Variants in RORA observed in about 807,000 individuals in gnomAD.
RORA encodes RAR related orphan receptor A, also known as nuclear receptor ROR-alpha.
Under a neutral mutation model 69.5 loss-of-function variants are expected in RORA, and 7 were observed. The observed-to-expected ratio is 0.10, with a 90% CI of 0.06 to 0.19. The LOEUF is 0.19. Ranked by LOEUF, RORA falls within the 10% of genes least tolerant of loss-of-function variation. The pLI, the probability that RORA is intolerant of heterozygous loss-of-function variation, is 1.00. For synonymous variants in RORA, 261 were observed against 240.8 expected (o/e 1.08, Z -0.78); for missense variants, 457 against 663.0 (o/e 0.69, Z 3.41).
chr15:60,767,682 T>C (rs2140878278), intron 1 of RORA, among the ~76,000 whole-genome samples: 1 of 152,342 alleles, frequency 6.6e-6, no homozygotes, highest in Non-Finnish European at 1.5e-5. Context: ...TTCTTGGTCA[T>C]TTGATCACTT....
intron 1 of RORA, among the ~76,000 whole-genome samples, chr15:61,063,556 T>C (rs1566970550): frequency 6.6e-6 from 1 of 152,186 alleles, no homozygotes; most frequent in East Asian, 1.9e-4. Context: ...TAAAATAATA[T>C]CTTAGAATCA....
chr15:60,625,005 G>A (rs573270402), intron 2 of RORA, among the ~76,000 whole-genome samples: 2 of 152,296 alleles, frequency 1.3e-5, no homozygotes, highest in Admixed American at 1.3e-4. Flanking sequence ...GAAATGTAGG[G>A]CTTAGTGAAA....
At chr15:60,957,986 C>T (rs1185037005) in intron 1 of RORA, among the ~76,000 whole-genome samples, 9 of 151,174 alleles carry the variant, frequency 6.0e-5, no homozygotes, top group Middle Eastern at 6.9e-3. Flanking sequence ...TCCAGGATAC[C>T]TTGAAATGAG....
intron 1 of RORA, among the ~76,000 whole-genome samples, chr15:60,715,976 C>G (rs2071213672): frequency 6.6e-6 from 1 of 152,238 alleles, no homozygotes; most frequent in South Asian, 2.1e-4. Context: ...TTACGCTACA[C>G]TAGAACTACT....
chr15:60,623,483 C>G (rs2069475557), intron 2 of RORA, among the ~76,000 whole-genome samples: 1 of 152,198 alleles, frequency 6.6e-6, no homozygotes, highest in South Asian at 2.1e-4. Flanking sequence ...TGTCTAACTA[C>G]TTAACATGGA....
intron 1 of RORA, among the ~76,000 whole-genome samples, chr15:60,764,280 G>C (rs1388201919): frequency 6.6e-6 from 1 of 151,856 alleles, no homozygotes; most frequent in Non-Finnish European, 1.5e-5. Context: ...TGGGAAGCGG[G>C]GGGTATGGGT....
intron 1 of RORA, among the ~76,000 whole-genome samples, chr15:60,961,312 T>C (rs547204295): frequency 2.7e-4 from 41 of 152,318 alleles, no homozygotes; most frequent in African/African-American, 8.2e-4. Flanking sequence ...AGGTACATCA[T>C]GCACAACAGA....
chr15:61,144,298 C>A (rs1050286894), intron 1 of RORA, among the ~76,000 whole-genome samples: 1 of 152,186 alleles, frequency 6.6e-6, no homozygotes, highest in Non-Finnish European at 1.5e-5. Context: ...GCTGCGATGG[C>A]CATTCAGAGT....
chr15:60,695,231 C>T (rs1451983888), intron 1 of RORA, among the ~76,000 whole-genome samples: 2 of 152,186 alleles, frequency 1.3e-5, no homozygotes, highest in African/African-American at 4.8e-5. Context: ...CATCTCTTCT[C>T]CCAACACTGC....
At chr15:61,094,848 C>A (rs1448496343) in intron 1 of RORA, among the ~76,000 whole-genome samples, 1 of 152,166 alleles carries the variant, frequency 6.6e-6, no homozygotes, top group Admixed American at 6.5e-5. Context: ...TGGGCATATG[C>A]CTCAGCAATG....
intron 2 of RORA, among the ~76,000 whole-genome samples, chr15:60,639,625 T>A (rs1002077581): frequency 2.0e-5 from 3 of 152,218 alleles, no homozygotes; most frequent in Non-Finnish European, 4.4e-5. Flanking sequence ...GACAGATCCT[T>A]GCCACCACTT....
chr15:60,755,145 C>G (rs904811230), intron 1 of RORA, among the ~76,000 whole-genome samples: 24 of 128,982 alleles, frequency 1.9e-4, no homozygotes, highest in African/African-American at 7.0e-4. Context: ...TCCCCCCACC[C>G]CACAACAGGC....
chr15:60,623,144 A>G (rs1426819102), intron 2 of RORA, among the ~76,000 whole-genome samples: 1 of 152,148 alleles, frequency 6.6e-6, no homozygotes, highest in African/African-American at 2.4e-5. Flanking sequence ...AAACCTTGAA[A>G]TTTACAGTGT....
chr15:60,919,308 C>T (rs1371168440), intron 1 of RORA, among the ~76,000 whole-genome samples: 1 of 152,120 alleles, frequency 6.6e-6, no homozygotes, highest in East Asian at 1.9e-4. Context: ...CAGGAGACCC[C>T]TCGTTTAATA....
intron 1 of RORA, among the ~76,000 whole-genome samples, chr15:60,884,037 T>C (rs1471444485): frequency 1.3e-5 from 2 of 152,148 alleles, no homozygotes; most frequent in Non-Finnish European, 2.9e-5. Context: ...ATGAGATTCG[T>C]TGGTTATAGC....
At chr15:61,032,743 C>T (rs1163948537) in intron 1 of RORA, among the ~76,000 whole-genome samples, 1 of 152,170 alleles carries the variant, frequency 6.6e-6, no homozygotes, top group Non-Finnish European at 1.5e-5. Flanking sequence ...TATCTTCATA[C>T]AAGATCATAA....
At chr15:60,612,864 T>G (rs150885661) in intron 2 of RORA, among the ~76,000 whole-genome samples, 97 of 152,206 alleles carry the variant, frequency 6.4e-4, no homozygotes, top group African/African-American at 2.2e-3. Context: ...TTAATGGACA[T>G]ATTTTATTTT....
At chr15:60,592,469 C>A in intron 2 of RORA, 3 of 1,368,664 alleles carry the variant, frequency 2.2e-6, no homozygotes, top group Non-Finnish European at 2.8e-6. Context: ...GACCCCGGAG[C>A]CCCCTCTGCC....
At chr15:60,717,295 A>C (rs2071232902) in intron 1 of RORA, among the ~76,000 whole-genome samples, 1 of 152,184 alleles carries the variant, frequency 6.6e-6, no homozygotes, top group African/African-American at 2.4e-5. Context: ...CCAAAGTGGA[A>C]ATCCACCCCT....
Sources: gnomAD v4.1 joint callset for allele counts (sites outside exome capture counted in the v4.1 genomes callset) on GRCh38, gnomAD v4.1.1 for gene constraint, MANE v1.5 for transcripts, NCBI Gene and HGNC (gene_info 2026-07-23, HGNC 2026-07-21) for gene names.